TRIM54: variants seen among roughly 807,000 people sequenced by gnomAD.
The protein encoded by TRIM54 is tripartite motif containing 54, also known as tripartite motif-containing protein 54.
A neutral mutation model predicts 42.0 loss-of-function variants in TRIM54; 40 were observed. That is an observed-to-expected ratio of 0.95 (90% CI 0.74 to 1.24). The LOEUF (loss-of-function observed/expected upper bound fraction) is 1.24, where lower values mean the gene tolerates loss of function less well. Ranked by LOEUF, TRIM54 falls within the 50% of genes most tolerant of loss-of-function variation. The pLI is 0.00. For missense variants in TRIM54, 485 were observed against 480.3 expected (o/e 1.01, Z -0.09); for synonymous variants, 199 against 194.9 (o/e 1.02, Z -0.17).
chr2:27,305,875 C>G, intron 5 of TRIM54, 58 bp downstream of exon 5: 1 of 1,455,188 alleles, frequency 6.9e-7, no homozygotes, highest in African/African-American at 1.4e-5. Context: ...GGCCTTGGTA[C>G]CTGGAGTCCC....
At chr2:27,303,327 G>A (rs200677211) in intron 3 of TRIM54, among the ~76,000 whole-genome samples, 2 of 152,238 alleles carry the variant, frequency 1.3e-5, no homozygotes, top group East Asian at 1.9e-4. Context: ...AGGCCGAGGC[G>A]GGCGGATCAC....
Position 27,306,556 on chromosome 2 carries a change from G to T in TRIM54, c.*1+14G>T. On this transcript the variant is annotated intron_variant, in intron 8 of 8. Transcript: ENST00000380075. The surrounding 1 kb of genome is among the most constrained non-coding windows in gnomAD (Gnocchi z 6.1). The stretch of plus-strand genomic sequence containing the variant: ...ATGGGCCTTAAGGTGAGAGCCGCCC[G>T]ATGGGCCTTAAGGTGAGAGCGGCCT... 6.5e-7 allele frequency: 1 copy of T among 1,534,126 alleles called. No individual in the cohort carries two copies. The highest frequency in any genetic ancestry group is 1.2e-5 in the South Asian group (1 of 80,604).
chr2:27,293,090 AG>A (rs1678762417), intron 1 of TRIM54, among the ~76,000 whole-genome samples: 1 of 151,826 alleles, frequency 6.6e-6, no homozygotes, highest in African/African-American at 2.4e-5. Context: ...TGATTCTTGG[AG>A]TATCTGTCCC....
At chr2:27,288,841 A>G (rs1383777870) in intron 1 of TRIM54, among the ~76,000 whole-genome samples, 1 of 152,226 alleles carries the variant, frequency 6.6e-6, no homozygotes, top group Admixed American at 6.5e-5. Flanking sequence ...TCCTCTACAC[A>G]TCACATCATT....
Position 27,298,461 on chromosome 2 carries a change from C to G in TRIM54, c.169-106C>G, listed in dbSNP as rs1177527957. 5.0e-6 allele frequency: 4 copies of G among 806,966 alleles called. No individual in the cohort carries two copies. The African/African-American group carries it at 6.9e-5, about 14-fold the overall frequency. 50.0% of individuals were successfully genotyped at this position (806,966 alleles called of 1,614,324 possible). A position where few individuals can be genotyped will look rare whatever the true frequency, so the allele number is the denominator to read the frequency against. On this transcript the variant is annotated intron_variant, in intron 1 of 8. Coordinates refer to ENST00000380075, the MANE Select transcript of TRIM54 (RefSeq NM_187841.3). ...CACAGAGAAGAGCTGACATCTTCCC[C>G]TCCATCAAGTTCCTACTCCCTAGCC... is the stretch of plus-strand genomic sequence containing the variant.
intron 1 of TRIM54, 91 bp downstream of exon 1, chr2:27,282,990 G>T (rs1678428776): frequency 2.2e-6 from 3 of 1,388,844 alleles, no homozygotes; most frequent in Non-Finnish European, 2.9e-6. Context: ...GAAGGTGATG[G>T]ATAGAGTGCT....
At chr2:27,305,423 T>C in intron 4 of TRIM54, 161 bp from the exon 5 acceptor site, 1 of 624,120 alleles carries the variant, frequency 1.6e-6, no homozygotes, top group Non-Finnish European at 2.8e-6. Context: ...ATTGTGTTTT[T>C]ATTATGGAAA....
intron 4 of TRIM54, 167 bp from the exon 5 acceptor site, chr2:27,305,417 T>C: frequency 3.2e-6 from 2 of 616,306 alleles, no homozygotes; most frequent in Non-Finnish European, 5.8e-6. Flanking sequence ...TAAAGCATTG[T>C]GTTTTTATTA....
chr2:27,292,004 C>T (rs552591692), intron 1 of TRIM54, among the ~76,000 whole-genome samples: 3 of 152,284 alleles, frequency 2.0e-5, no homozygotes, highest in Admixed American at 6.5e-5. Flanking sequence ...CACACACTCC[C>T]GATTTCTCTC....
At position 27,298,625 on chromosome 2, in the gene TRIM54, T is replaced by G; in HGVS notation, c.227T>G (p.Phe76Cys). 1 of 1,614,198 alleles carries G rather than the reference T, an allele frequency of 6.2e-7. No individual in the cohort carries two copies. The highest frequency in any genetic ancestry group is 8.5e-7 in the Non-Finnish European group (1 of 1,180,038). ...ACCACTGTGTCTTCAGGAGGCCGTT[T>G]CCGCTGCCCATCGTGCAGGCATGAG... ...GSTTVSSGGR[F>C]RCPSCRHEVV... is the part of the protein sequence containing the mutation. The change falls in exon 2 of 9, where the codon TTC becomes TGC. Residue 76 changes from phenylalanine (F) to cysteine (C), a missense_variant. Transcript: ENST00000380075.
At chr2:27,300,720 T>A (rs755036929) in intron 3 of TRIM54, among the ~76,000 whole-genome samples, 1 of 151,488 alleles carries the variant, frequency 6.6e-6, no homozygotes, top group Non-Finnish European at 1.5e-5. Context: ...TACAAAAAAT[T>A]AGCTGGGCAT....
chr2:27,289,115 G>A (rs1678651624), intron 1 of TRIM54, among the ~76,000 whole-genome samples: 1 of 152,176 alleles, frequency 6.6e-6, no homozygotes, highest in African/African-American at 2.4e-5. Flanking sequence ...ATCGTTATTT[G>A]TGATGAGAAA....
At chr2:27,305,414 T>C (rs1679164789) in intron 4 of TRIM54, 170 bp from the exon 5 acceptor site, 1 of 612,634 alleles carries the variant, frequency 1.6e-6, no homozygotes, top group Admixed American at 3.0e-5. Flanking sequence ...CTTTAAAGCA[T>C]TGTGTTTTTA....
Position 27,306,235 on chromosome 2 carries a change from G to A in TRIM54, c.889G>A (p.Glu297Lys), listed in dbSNP as rs201258434. ...INKVGAMSKV[E>K]LAGRPEPGYE... The stretch of plus-strand genomic sequence containing the variant: ...CAGGGTCGGGGCCATGTCGAAGGTG[G>A]AGCTGGCAGGGCGGCCGGAGCCAGG... The change falls in exon 7 of 9, where the codon GAG (glutamate) becomes AAG (lysine). Residue 297 changes from glutamate (E) to lysine (K), a missense_variant. By Grantham distance (56) the Glu-to-Lys change is moderately conservative. Coordinates refer to ENST00000380075, the MANE Select transcript of TRIM54 (RefSeq NM_187841.3). The surrounding 1 kb of genome is among the most constrained non-coding windows in gnomAD (Gnocchi z 6.1). 100 of 1,614,084 alleles carry A rather than the reference G, an allele frequency of 6.2e-5. No homozygotes were observed. The East Asian group carries it at 2.1e-3, about 34-fold the overall frequency.
Position 27,305,757 on chromosome 2 carries a change from T to G in TRIM54, c.783T>G (p.Ser261=), listed in dbSNP as rs959313835. The G allele has an allele frequency of 1.2e-6, 2 of 1,611,572 alleles. No individual in the cohort carries two copies. Among genetic ancestry groups the G allele is most frequent in the African/African-American group, 2.7e-5 (2 of 74,866 alleles). ...ATGGCGACCACCTGGAGGCCTCCTC[T>G]AAGCTGGTGGAGTCTGCCATCCAGT... ...RQYGDHLEAS[S]KLVESAIQSM... Residue 261 remains serine (S), a synonymous_variant, in exon 5 of 9, where the codon TCT becomes TCG. Transcript: ENST00000380075.
intron 3 of TRIM54, among the ~76,000 whole-genome samples, chr2:27,300,055 A>G (rs1192252300): frequency 6.6e-6 from 1 of 151,854 alleles, no homozygotes; most frequent in African/African-American, 2.4e-5. Context: ...TCACTGCAGC[A>G]GCCTTGAACT....
At chr2:27,297,717 C>T (rs1427259843) in intron 1 of TRIM54, among the ~76,000 whole-genome samples, 7 of 152,252 alleles carry the variant, frequency 4.6e-5, no homozygotes, top group South Asian at 2.1e-4. Flanking sequence ...TGGTGGCTTA[C>T]GCCTATAATC....
chr2:27,288,342 A>C (rs892438089), intron 1 of TRIM54, among the ~76,000 whole-genome samples: 1 of 152,252 alleles, frequency 6.6e-6, no homozygotes. Flanking sequence ...ACATTCTGAC[A>C]TAAGTATGGA....
intron 1 of TRIM54, among the ~76,000 whole-genome samples, chr2:27,285,101 C>T (rs992017982): frequency 6.6e-6 from 1 of 152,156 alleles, no homozygotes; most frequent in African/African-American, 2.4e-5. Context: ...AGGTGCAAAG[C>T]ACCCTTGGGC....
Sources: gnomAD v4.1 joint callset for allele counts (sites outside exome capture counted in the v4.1 genomes callset) on GRCh38, gnomAD v4.1.1 for gene constraint, Gnocchi (gnomAD v3.1) non-coding constraint, MANE v1.5 for transcripts, NCBI Gene and HGNC (gene_info 2026-07-23, HGNC 2026-07-21) for gene names.